The following ZC3H11A variants were observed in gnomAD, a reference collection of about 807,000 sequenced individuals.
ZC3H11A encodes the protein zinc finger CCCH-type containing 11A, also known as zinc finger CCCH domain-containing protein 11A.
Under a neutral mutation model 90.8 loss-of-function variants are expected in ZC3H11A, and 22 were observed. The ratio of observed to expected loss-of-function variants is 0.24; its 90% CI spans 0.17 to 0.35. ZC3H11A has a LOEUF of 0.35. Ranked by LOEUF, ZC3H11A falls within the 10% of genes least tolerant of loss-of-function variation. The pLI is 1.00. For missense variants in ZC3H11A, 701 were observed against 964.9 expected, an observed-to-expected ratio of 0.73 and a Z score of 3.62; for synonymous variants, 294 against 339.8, an observed-to-expected ratio of 0.87 and a Z score of 1.48.
In ZC3H11A at chr1:203,853,204, C is replaced by G. The variant is rs1260362160; in HGVS notation, c.*805C>G. On this transcript the variant is annotated 3_prime_UTR_variant, in exon 18 of 18. Coordinates refer to ENST00000367210, the MANE Select transcript of ZC3H11A (RefSeq NM_001376342.1). ...TTCTTCTTCAGTACTTGCCTCCTTG[C>G]TGGCATTGAATTAACACAGGGACAA... The G allele has an allele frequency of 6.6e-6, 1 of 152,400 alleles. No individual in the cohort carries two copies. The highest frequency in any genetic ancestry group is 2.4e-5 in the African/African-American group (1 of 41,352). 9.4% of individuals were successfully genotyped at this position (152,400 alleles called of 1,614,324 possible).
chr1:203,841,157 A>AAT (rs1172244977), intron 12 of ZC3H11A, among the ~76,000 whole-genome samples: 16 of 110,344 alleles, frequency 1.5e-4, no homozygotes, highest in African/African-American at 4.0e-4. Flanking sequence ...TTTTTTTTTT[A>AAT]TTTTTTTTTT....
In ZC3H11A at chr1:203,850,065, A is replaced by G. The variant is rs773319349; in HGVS notation, c.1939+39A>G. The G allele has an allele frequency of 6.9e-6, 11 of 1,585,844 alleles. No individual in the cohort carries two copies. In the African/African-American group the frequency reaches 9.5e-5, roughly 14 times the overall value. ...TACTGTGTATTGCTTTAGGTTATCA[A>G]AATTACCAAATTCAACCCAATTGTT... On this transcript the variant is annotated intron_variant, in intron 15 of 17. Transcript: ENST00000367210.
In ZC3H11A at chr1:203,803,004, G is replaced by A. The variant is rs1670996256; in HGVS notation, c.-158G>A. 2 of 152,534 alleles carry A rather than the reference G, an allele frequency of 1.3e-5. No individual in the cohort carries two copies. Among genetic ancestry groups the A allele is most frequent in the Non-Finnish European group, 2.9e-5 (2 of 68,042 alleles). 9.4% of individuals were successfully genotyped at this position (152,534 alleles called of 1,614,324 possible). ...GAAGACACAGATGTTCCTGTTCAGAGCAACCAGCTAATGTAAGTGGGGAAG... is the reference window on the plus strand; with the variant it reads ...GAAGACACAGATGTTCCTGTTCAGAACAACCAGCTAATGTAAGTGGGGAAG... On this transcript the variant is annotated 5_prime_UTR_variant, in exon 2 of 18. Transcript: ENST00000367210.
At chr1:203,819,884 T>A (rs908449514) in intron 4 of ZC3H11A, among the ~76,000 whole-genome samples, 1 of 151,934 alleles carries the variant, frequency 6.6e-6, no homozygotes, top group African/African-American at 2.4e-5. Context: ...TACCATCGTT[T>A]AATCCTTTGA....
intron 1 of ZC3H11A, chr1:203,799,264 T>C: frequency 1.3e-6 from 1 of 757,288 alleles, no homozygotes. Context: ...TTTACCCATG[T>C]GCCATGCTTC....
intron 1 of ZC3H11A, chr1:203,796,717 C>G (rs1220848808): frequency 5.6e-6 from 2 of 357,386 alleles, no homozygotes; most frequent in Middle Eastern, 7.4e-4. Flanking sequence ...GAGTTACTTA[C>G]AGGCTGTAAA....
intron 12 of ZC3H11A, among the ~76,000 whole-genome samples, chr1:203,846,255 CATT>C (rs993322333): frequency 1.1e-4 from 16 of 148,910 alleles, no homozygotes; most frequent in Middle Eastern, 3.3e-3. Flanking sequence ...TATCTCTTTT[CATT>C]ATTTATTTTC....
At chr1:203,847,087 T>A in intron 12 of ZC3H11A, 97 bp from the exon 13 acceptor site, 1 of 1,283,490 alleles carries the variant, frequency 7.8e-7, no homozygotes. Context: ...AAATGATAGC[T>A]CTCTGTTGGA....
At chr1:203,828,051 C>T (rs192456137) in intron 4 of ZC3H11A, among the ~76,000 whole-genome samples, 3 of 152,208 alleles carry the variant, frequency 2.0e-5, no homozygotes, top group Non-Finnish European at 2.9e-5. Flanking sequence ...TAAGTGTAGA[C>T]ATTTTAGGGG....
chr1:203,798,813 C>A (rs1339287797), intron 1 of ZC3H11A: 2 of 1,535,974 alleles, frequency 1.3e-6, no homozygotes, highest in Non-Finnish European at 1.7e-6. Context: ...TTTCTCAACC[C>A]CAGCCTTTCA....
intron 14 of ZC3H11A, among the ~76,000 whole-genome samples, chr1:203,849,403 A>G (rs1688735044): frequency 6.6e-6 from 1 of 152,228 alleles, no homozygotes. Flanking sequence ...GTTTTACACA[A>G]TTTAAAGTAA....
At position 203,828,149 on chromosome 1, in the gene ZC3H11A, T is replaced by G. The variant is rs1330466081; in HGVS notation, c.175-150T>G. 5 of 871,628 alleles carry G rather than the reference T, an allele frequency of 5.7e-6. No homozygotes were observed. The Admixed American group carries it at 1.0e-4, about 18-fold the overall frequency. The allele number at this position is 871,628 out of a possible 1,614,324, so 54.0% of individuals were successfully genotyped here. ...TCCATCATGCCTAAGTTATGTTATT[T>G]TCAGCAATCTCTCTTCCTTCTAAAA... is the stretch of plus-strand genomic sequence containing the variant. On this transcript the variant is annotated intron_variant, in intron 4 of 17. Transcript: ENST00000367210.
At chr1:203,817,265 GATA>G (rs1676663719) in intron 3 of ZC3H11A, 141 bp downstream of exon 3, 1 of 602,852 alleles carries the variant, frequency 1.7e-6, no homozygotes, top group Non-Finnish European at 2.7e-6. Flanking sequence ...TTTTTTAAAG[GATA>G]ATGTATTTAG....
chr1:203,806,072 G>T (rs1245635231), intron 2 of ZC3H11A: 2 of 509,614 alleles, frequency 3.9e-6, no homozygotes, highest in African/African-American at 2.0e-5. Flanking sequence ...TTTAAAACTC[G>T]CAAGGCTTTC....
At chr1:203,837,340 A>T (rs922380498) in intron 10 of ZC3H11A, among the ~76,000 whole-genome samples, 1 of 150,508 alleles carries the variant, frequency 6.6e-6, no homozygotes, top group African/African-American at 2.4e-5. Context: ...TCACATTTCT[A>T]ATTCTGAACT....
At chr1:203,803,720 C>T (rs34429029) in intron 2 of ZC3H11A, among the ~76,000 whole-genome samples, 15,719 of 152,092 alleles carry the variant, frequency 0.1, 1,095 homozygotes, top group Non-Finnish European at 0.14. Flanking sequence ...ATCCTATTGC[C>T]GAAGCCTCCT....
intron 10 of ZC3H11A, among the ~76,000 whole-genome samples, chr1:203,837,589 T>C (rs1286485020): frequency 6.6e-6 from 1 of 151,998 alleles, no homozygotes; most frequent in East Asian, 1.9e-4. Flanking sequence ...ATCCTTCTGC[T>C]TCAGCCTCCT....
In ZC3H11A at chr1:203,802,976, A is replaced by G. The variant is rs1307918888; in HGVS notation, c.-186A>G. 6.6e-6 allele frequency: 1 copy of G among 152,642 alleles called. No individual in the cohort carries two copies. The allele number at this position is 152,642 out of a possible 1,614,324, so 9.5% of individuals were successfully genotyped here. Reference sequence around the variant, plus strand: ...CTACAGGCGTAATAGATTGGAACTCAGTGAAGACACAGATGTTCCTGTTCA... The same window carrying G: ...CTACAGGCGTAATAGATTGGAACTCGGTGAAGACACAGATGTTCCTGTTCA... On this transcript the variant is annotated 5_prime_UTR_variant, in exon 2 of 18. Coordinates refer to ENST00000367210, the MANE Select transcript of ZC3H11A (RefSeq NM_001376342.1).
chr1:203,840,856 A>G (rs958930319), intron 12 of ZC3H11A, among the ~76,000 whole-genome samples: 2 of 151,144 alleles, frequency 1.3e-5, no homozygotes, highest in Non-Finnish European at 2.9e-5. Context: ...CTGGTCTCAA[A>G]CTCCTGACCT....
Sources: allele counts gnomAD v4.1 joint callset (sites outside exome capture counted in the v4.1 genomes callset), GRCh38; gene constraint gnomAD v4.1.1; transcripts MANE v1.5; gene names NCBI Gene and HGNC (gene_info 2026-07-23, HGNC 2026-07-21).